The following SLC35A2 variants were observed in gnomAD, a reference collection of about 807,000 sequenced individuals.
SLC35A2 encodes the protein solute carrier family 35 member A2.
SLC35A2 carries 1 observed loss-of-function variant against 17.3 expected under a neutral mutation model. The ratio of observed to expected loss-of-function variants is 0.06; its 90% confidence interval spans 0.02 to 0.27. SLC35A2 has a LOEUF of 0.27. Among genes scored for constraint, SLC35A2 ranks in the 10% least tolerant of loss-of-function variants. The pLI is 1.00. For missense variants in SLC35A2, 191 were observed against 339.3 expected (o/e 0.56, Z 3.43); for synonymous variants, 161 against 161.3 (o/e 1.00, Z 0.01).
In SLC35A2 at chrX:48,904,952, G is replaced by A. The variant is rs782675945; in HGVS notation, c.957C>T (p.His319=). Residue 319 remains histidine, a synonymous_variant, in exon 4 of 5, where the codon CAC becomes CAT. Transcript: ENST00000247138. ...TVASIRLFGF[H]VDPLFALGAG... ...CGCCAAGGGCAAATAATGGGTCCACGTGGAAGCCAAAGAGGCGAATGGAGG... is the reference window on the plus strand; with the variant it reads ...CGCCAAGGGCAAATAATGGGTCCACATGGAAGCCAAAGAGGCGAATGGAGG... The A allele has an allele frequency of 6.6e-6, 8 of 1,209,573 alleles. No individual in the cohort carries two copies. Among genetic ancestry groups the A allele is most frequent in the South Asian group, 3.5e-5 (2 of 56,739 alleles).
chrX:48,909,806 G>T lies in SLC35A2; in HGVS notation c.274+8C>A. The T allele has an allele frequency of 1.1e-5, 13 of 1,201,650 alleles. No individual in the cohort carries two copies. The highest frequency in any genetic ancestry group is 1.4e-5 in the Non-Finnish European group (12 of 888,635). ...CGACCCCAGTGCAGCCCCATCCCTG[G>T]TTCGTACCCCTCTTCTGTGCGAAGA... On this transcript the variant is annotated splice_region_variant and intron_variant, in intron 2 of 4. Transcript: ENST00000247138.
chrX:48,911,895 T>A (rs946494458), upstream of SLC35A2: 6 of 1,165,807 alleles, frequency 5.1e-6, no homozygotes, highest in Admixed American at 1.3e-4. Flanking sequence ...TTCCTGTCAC[T>A]AGACCCGCCT....
Position 48,904,969 on chromosome X carries a change from G to T in SLC35A2, c.940C>A (p.Arg314Ser). 1 of 1,211,460 alleles carries T rather than the reference G, an allele frequency of 8.3e-7. No individual in the cohort carries two copies. Among genetic ancestry groups the T allele is most frequent in the Non-Finnish European group, 1.1e-6 (1 of 895,161 alleles). ...GGGTCCACGTGGAAGCCAAAGAGGC[G>T]AATGGAGGCAACAGTGGACAGCACA... is the stretch of plus-strand genomic sequence containing the variant. ...SIVLSTVASI[R>S]LFGFHVDPLF... The change falls in exon 4 of 5, where the codon CGC (arginine) becomes AGC (serine). Residue 314 changes from arginine (R) to serine (S), a missense_variant. Coordinates refer to ENST00000247138, the MANE Select transcript of SLC35A2 (RefSeq NM_005660.3).
intron 3 of SLC35A2, 85 bp downstream of exon 3, chrX:48,906,307 G>T: frequency 1.1e-6 from 1 of 916,215 alleles, no homozygotes; most frequent in Non-Finnish European, 1.6e-6. Flanking sequence ...CCTGTCCTCT[G>T]CAACACCCCC....
intron 2 of SLC35A2, among the ~76,000 whole-genome samples, chrX:48,908,091 T>C (rs1260227040): frequency 9.4e-6 from 1 of 106,272 alleles, no homozygotes; most frequent in Non-Finnish European, 1.9e-5. Flanking sequence ...CTCGCCCCAC[T>C]TTTTGGCAGT....
rs782209341 is a variant in SLC35A2, at chrX:48,905,006, G to T, written c.903C>A (p.Thr301=). 10 of 1,209,845 alleles carry T rather than the reference G, an allele frequency of 8.3e-6. No homozygotes were observed. The East Asian group carries it at 2.7e-4, about 32-fold the overall frequency. Residue 301 remains threonine, a synonymous_variant, in exon 4 of 5, where the codon ACC becomes ACA. Transcript: ENST00000247138. ...CAGTGGACAGCACAATGGACAGGGA[G>T]GTGGCAAAGCCCTTGAGGATATTGT... ...YADNILKGFA[T]SLSIVLSTVA... is the part of the protein sequence containing the mutation.
rs144179114 is a variant in SLC35A2 at position 48,911,169 on chromosome X, C to T, written c.91+377G>A. On this transcript the variant is annotated intron_variant, in intron 1 of 4. Transcript: ENST00000247138. Reference sequence around the variant, plus strand: ...CACCCTAACTCACAATAGTCTCTGTCCCTTTATAAGGAAGGAACCACCACC... The same window carrying T: ...CACCCTAACTCACAATAGTCTCTGTTCCTTTATAAGGAAGGAACCACCACC... Among the ~76,000 whole-genome samples the T allele has an allele frequency of 6.8e-3, 756 of 110,992 alleles. 2 individuals are homozygous for T. The highest frequency in any genetic ancestry group is 0.01 in the Non-Finnish European group (535 of 52,891).
chrX:48,904,366 T>C, intron 4 of SLC35A2: 2 of 1,071,477 alleles, frequency 1.9e-6, no homozygotes, highest in Non-Finnish European at 2.4e-6. Context: ...GAGGGACTGC[T>C]GGGAGGGACT....
intron 1 of SLC35A2, chrX:48,910,309 G>A: frequency 8.9e-7 from 1 of 1,129,468 alleles, no homozygotes. Flanking sequence ...TCCCAAGTGA[G>A]AAGCAACTCT....
chrX:48,911,460 C>T (rs782189607), intron 1 of SLC35A2, 86 bp downstream of exon 1: 7 of 1,085,263 alleles, frequency 6.5e-6, no homozygotes, highest in Non-Finnish European at 8.7e-6. Flanking sequence ...ACGGGATGCT[C>T]CCTCTCACTT....
At position 48,904,780 on chromosome X, in the gene SLC35A2, G is replaced by C; in HGVS notation, c.1129C>G (p.Arg377Gly). 1 of 1,211,428 alleles carries C rather than the reference G, an allele frequency of 8.3e-7. No individual in the cohort carries two copies. Among genetic ancestry groups the C allele is most frequent in the Non-Finnish European group, 1.1e-6 (1 of 895,198 alleles). The stretch of plus-strand genomic sequence containing the variant: ...AAGGGCTCCGTGATGAGGTCTCCAC[G>C]GTGGGAAGACAGCTGCGGTGGTGGT... ...QPPPPQLSSH[R>G]GDLITEPFLP... The change falls in exon 4 of 5, where the codon CGT becomes GGT. Residue 377 changes from arginine to glycine, a missense_variant. By Grantham distance (125) the Arg-to-Gly change is moderately radical. Transcript: ENST00000247138.
Position 48,904,655 on chromosome X carries a change from T to C in SLC35A2, c.1163+91A>G, listed in dbSNP as rs369625853. The C allele has an allele frequency of 7.5e-6, 9 of 1,207,821 alleles. No individual in the cohort carries two copies. The African/African-American group carries it at 1.6e-4, about 21-fold the overall frequency. On this transcript the variant is annotated intron_variant, in intron 4 of 4. Coordinates refer to ENST00000247138, the MANE Select transcript of SLC35A2 (RefSeq NM_005660.3). Reference sequence around the variant, plus strand: ...GAGCCAGGCCCCGGAGGGTGGCGACTTGGGTCCTGCAGATGCCCAACACCC... The same window carrying C: ...GAGCCAGGCCCCGGAGGGTGGCGACCTGGGTCCTGCAGATGCCCAACACCC...
intron 1 of SLC35A2, among the ~76,000 whole-genome samples, chrX:48,910,858 A>T (rs1157031968): frequency 9.1e-6 from 1 of 109,627 alleles, no homozygotes; most frequent in East Asian, 2.8e-4. Context: ...ACTTCCCTGC[A>T]CTCCACATGG....
At chrX:48,906,796 C>A (rs1387111224) in intron 2 of SLC35A2, among the ~76,000 whole-genome samples, 1 of 112,480 alleles carries the variant, frequency 8.9e-6, no homozygotes, top group Non-Finnish European at 1.9e-5. Flanking sequence ...GCATGTCACT[C>A]ATGTTAGAGC....
intron 1 of SLC35A2, chrX:48,910,276 C>A (rs1557043778): frequency 8.7e-7 from 1 of 1,147,184 alleles, no homozygotes; most frequent in Middle Eastern, 2.3e-4. Context: ...TGAGGCAAAC[C>A]CTGGCCACGC....
intron 4 of SLC35A2, 121 bp from the exon 5 acceptor site, chrX:48,903,586 C>A: frequency 1.8e-6 from 1 of 563,555 alleles, no homozygotes; most frequent in Non-Finnish European, 3.0e-6. Flanking sequence ...TAATGGTGCC[C>A]ACCTGGTCAG....
At chrX:48,910,359 A>C (rs782036915) in intron 1 of SLC35A2, 6 of 956,677 alleles carry the variant, frequency 6.3e-6, no homozygotes, top group Non-Finnish European at 8.4e-6. Flanking sequence ...CTCCACGTTT[A>C]TTGAGTGTTT....
At chrX:48,907,917 G>A (rs1460176778) in intron 2 of SLC35A2, among the ~76,000 whole-genome samples, 1 of 109,280 alleles carries the variant, frequency 9.2e-6, no homozygotes, top group Non-Finnish European at 1.9e-5. Context: ...AGCTACTCAG[G>A]AGGCTGAGGC....
intron 3 of SLC35A2, chrX:48,905,963 G>A: frequency 3.2e-6 from 1 of 317,099 alleles, no homozygotes; most frequent in Non-Finnish European, 5.5e-6. Context: ...TCTGAAGTGA[G>A]CACCACTGTA....
Sources: allele counts gnomAD v4.1 joint callset (sites outside exome capture counted in the v4.1 genomes callset), GRCh38; gene constraint gnomAD v4.1.1; transcripts MANE v1.5; gene names NCBI Gene and HGNC (gene_info 2026-07-23, HGNC 2026-07-21).